The following COL25A1 variants were observed in gnomAD, a reference collection of about 807,000 sequenced individuals.
The protein encoded by COL25A1 is collagen type XXV alpha 1 chain.
Under a neutral mutation model 128.4 loss-of-function variants are expected in COL25A1, and 103 were observed. The ratio of observed to expected loss-of-function variants is 0.80; its 90% CI spans 0.68 to 0.94. COL25A1 has a LOEUF of 0.94. COL25A1 is among the 40% of genes least tolerant of loss of function. The pLI is 0.00. For synonymous variants in COL25A1, 279 were observed against 277.2 expected (o/e 1.01, Z -0.06); for missense variants, 745 against 840.0 (o/e 0.89, Z 1.40).
intron 3 of COL25A1, among the ~76,000 whole-genome samples, chr4:109,093,564 G>C (rs62313719): frequency 6.6e-6 from 1 of 151,858 alleles, no homozygotes; most frequent in Admixed American, 6.6e-5. Context: ...CTGAGCCCAG[G>C]AGTCTGAGGC....
intron 3 of COL25A1, among the ~76,000 whole-genome samples, chr4:109,209,636 AATT>A (rs1777329626): frequency 6.6e-6 from 1 of 152,190 alleles, no homozygotes; most frequent in African/African-American, 2.4e-5. Flanking sequence ...TTCAGTAAAT[AATT>A]ATTATCTTTG....
At chr4:108,826,988 C>T in intron 33 of COL25A1, 147 bp downstream of exon 33, 1 of 707,762 alleles carries the variant, frequency 1.4e-6, no homozygotes, top group Non-Finnish European at 2.5e-6. Flanking sequence ...TTGTGAAGGA[C>T]ATGGAAGTAC....
chr4:109,256,234 T>C (rs1156867680), intron 3 of COL25A1, among the ~76,000 whole-genome samples: 2 of 152,226 alleles, frequency 1.3e-5, no homozygotes, highest in East Asian at 3.9e-4. Context: ...TGATCAATAG[T>C]TAAATGGTAA....
At chr4:109,203,182 A>G (rs1162670211) in intron 3 of COL25A1, among the ~76,000 whole-genome samples, 2 of 152,106 alleles carry the variant, frequency 1.3e-5, no homozygotes, top group East Asian at 3.9e-4. Flanking sequence ...TTACAGATAG[A>G]AAAACAGGAT....
Position 109,256,085 on chromosome 4 carries a change from G to GGTGTGTGTGTGTGTGTGTGTGTGT in COL25A1, c.367+44474_367+44497dup, listed in dbSNP as rs60794002. On this transcript the variant is annotated intron_variant, in intron 3 of 37. Transcript: ENST00000399132. ...TGTGGATATTAACATTTTAAGCATT[G>GGTGTGTGTGTGTGTGTGTGTGTGT]GTGTGTGTGTGTGTGTGTGTGTGTG... 3.9e-3 allele frequency among the ~76,000 whole-genome samples: 560 copies of GGTGTGTGTGTGTGTGTGTGTGTGT among 143,284 alleles called. 5 individuals carry two copies. Among genetic ancestry groups the GGTGTGTGTGTGTGTGTGTGTGTGT allele is most frequent in the African/African-American group, 0.014 (534 of 37,858 alleles). The allele number at this position is 143,284 out of a possible 152,430, so 94.0% of individuals were successfully genotyped here.
At chr4:109,258,862 TAATCATTAAAATTCCAGCCCA>T (rs552298588) in intron 3 of COL25A1, among the ~76,000 whole-genome samples, 1 of 152,324 alleles carries the variant, frequency 6.6e-6, no homozygotes, top group South Asian at 2.1e-4. Context: ...TTCTTAAATA[TAATCATTAAAATTCCAGCCCA>T]ATTACTACCC....
chr4:108,894,379 C>T lies in COL25A1; in HGVS notation c.906+2288G>A, dbSNP rs141371701. On this transcript the variant is annotated intron_variant, in intron 16 of 37. Transcript: ENST00000399132. ...ATAAATTTTTTTCACTTGAAAAAAA[C>T]TGCCCTCGGTGTAGAATATTTCCTT... Among the ~76,000 whole-genome samples the T allele has an allele frequency of 9.1e-3, 1,379 of 152,092 alleles. 24 individuals carry two copies. The highest frequency in any genetic ancestry group is 0.031 in the African/African-American group (1,298 of 41,506).
intron 3 of COL25A1, among the ~76,000 whole-genome samples, chr4:109,260,135 T>G (rs1781341645): frequency 6.6e-6 from 1 of 152,216 alleles, no homozygotes; most frequent in Non-Finnish European, 1.5e-5. Context: ...TGCCTCCATT[T>G]TCTACATCAA....
chr4:109,251,836 A>G (rs527812146), intron 3 of COL25A1, among the ~76,000 whole-genome samples: 1 of 152,342 alleles, frequency 6.6e-6, no homozygotes, highest in South Asian at 2.1e-4. Context: ...TGAAAGAAAT[A>G]GCACCATATA....
intron 6 of COL25A1, among the ~76,000 whole-genome samples, chr4:108,980,933 C>T (rs1298052863): frequency 6.6e-6 from 1 of 152,144 alleles, no homozygotes; most frequent in Non-Finnish European, 1.5e-5. Context: ...AGGGAGGAAG[C>T]GGAATATCCC....
chr4:109,272,821 G>A (rs572351748), intron 3 of COL25A1, among the ~76,000 whole-genome samples: 422 of 152,236 alleles, frequency 2.8e-3, no homozygotes, highest in African/African-American at 9.6e-3. Context: ...CAGAGAATGA[G>A]AGTGCTGAAC....
At position 108,984,383 on chromosome 4, in the gene COL25A1, T is replaced by C. The variant is rs78693394; in HGVS notation, c.439-9824A>G. On this transcript the variant is annotated intron_variant, in intron 6 of 37. Transcript: ENST00000399132. ...GGAGCTGCCTGCCAGTCCCCCACAG[T>C]GCGCCTGCACTCCTCAGCCCTTGGG... 5.6e-4 allele frequency among the ~76,000 whole-genome samples: 85 copies of C among 152,302 alleles called. No individual in the cohort carries two copies. The East Asian group carries it at 0.015, about 26-fold the overall frequency.
chr4:109,163,390 G>C (rs568938417), intron 3 of COL25A1, among the ~76,000 whole-genome samples: 4 of 152,334 alleles, frequency 2.6e-5, no homozygotes, highest in African/African-American at 9.6e-5. Flanking sequence ...CTTTGCTGCA[G>C]CCATGTAAAA....
intron 3 of COL25A1, among the ~76,000 whole-genome samples, chr4:109,264,722 CTGA>C (rs1781677626): frequency 2.0e-5 from 3 of 152,316 alleles, no homozygotes; most frequent in Admixed American, 2.0e-4. Context: ...ATCAGGCCCA[CTGA>C]TCAAATTCCC....
intron 3 of COL25A1, among the ~76,000 whole-genome samples, chr4:109,110,566 T>C (rs1766901852): frequency 6.6e-6 from 1 of 152,168 alleles, no homozygotes; most frequent in Non-Finnish European, 1.5e-5. Flanking sequence ...AGGTCAATAT[T>C]ACCAATTTCA....
Position 108,987,375 on chromosome 4 carries a change from T to TC in COL25A1, c.439-12817dup, listed in dbSNP as rs1753752985. 3.1e-5 allele frequency among the ~76,000 whole-genome samples: 3 copies of TC among 96,726 alleles called. No individual in the cohort carries two copies. In the South Asian group the frequency reaches 1.5e-3, roughly 49 times the overall value. 63.5% of individuals were successfully genotyped at this position (96,726 alleles called of 152,430 possible). A position where few individuals can be genotyped will look rare whatever the true frequency, so the allele number is the denominator to read the frequency against. ...GTTACAGCATACCTTTCTTTTTTTT[T>TC]CTTTTTCTTTTTTTTTTTGAGATGG... On this transcript the variant is annotated intron_variant, in intron 6 of 37. Transcript: ENST00000399132.
chr4:109,281,299 C>A (rs1261922873), intron 3 of COL25A1, among the ~76,000 whole-genome samples: 1 of 151,224 alleles, frequency 6.6e-6, no homozygotes, highest in Non-Finnish European at 1.5e-5. Flanking sequence ...CCATACAGTA[C>A]AAAGGTTGTT....
At chr4:108,979,079 G>C (rs966637055) in intron 6 of COL25A1, among the ~76,000 whole-genome samples, 1 of 152,184 alleles carries the variant, frequency 6.6e-6, no homozygotes, top group Admixed American at 6.5e-5. Flanking sequence ...TTGTTGGAAT[G>C]TTATTAACTT....
chr4:109,088,459 C>T (rs1181373008), intron 3 of COL25A1, among the ~76,000 whole-genome samples: 1 of 152,080 alleles, frequency 6.6e-6, no homozygotes, highest in Non-Finnish European at 1.5e-5. Flanking sequence ...TATGGGGTGA[C>T]ATTATAATTT....
Sources: gnomAD v4.1 joint callset for allele counts (sites outside exome capture counted in the v4.1 genomes callset) on GRCh38, gnomAD v4.1.1 for gene constraint, MANE v1.5 for transcripts, NCBI Gene and HGNC (gene_info 2026-07-23, HGNC 2026-07-21) for gene names.